SLC4A4: variants seen among roughly 807,000 people sequenced by gnomAD.
SLC4A4 encodes solute carrier family 4 member 4, also known as electrogenic sodium bicarbonate cotransporter 1.
In SLC4A4, 27 loss-of-function variants were observed where a neutral mutation model predicts 111.5. The observed-to-expected ratio is 0.24, with a 90% CI of 0.18 to 0.33. The LOEUF (loss-of-function observed/expected upper bound fraction) is 0.33. Ranked by LOEUF, SLC4A4 falls within the 10% of genes least tolerant of loss-of-function variation. The pLI, the probability that SLC4A4 is intolerant of heterozygous loss-of-function variation, is 1.00. For synonymous variants in SLC4A4, 443 were observed against 463.4 expected (o/e 0.96, Z 0.57); for missense variants, 909 against 1,315.5 (o/e 0.69, Z 4.78).
At chr4:71,541,210 C>T (rs1434591816) in intron 18 of SLC4A4, among the ~76,000 whole-genome samples, 1 of 152,050 alleles carries the variant, frequency 6.6e-6, no homozygotes, top group Non-Finnish European at 1.5e-5. Flanking sequence ...GTTTTTCATT[C>T]TAAGTGAAAC....
chr4:71,312,976 G>A (rs200041859), intron 3 of SLC4A4, among the ~76,000 whole-genome samples: 4,390 of 152,194 alleles, frequency 0.029, 321 homozygotes, highest in Admixed American at 0.16. Context: ...TAGGAAAAGA[G>A]GAAGTCAAAT....
Position 71,339,461 on chromosome 4 carries a change from G to C in SLC4A4, c.345G>C (p.Leu115=). ...AGCTCTTCACGGAACTGGATGAGCTGCTGGCCGTGGATGGGCAGGAGATGG... is the reference window on the plus strand; with the variant it reads ...AGCTCTTCACGGAACTGGATGAGCTCCTGGCCGTGGATGGGCAGGAGATGG... ...PPQLFTELDE[L]LAVDGQEMEW... The change falls in exon 4 of 26, where the codon CTG becomes CTC. Residue 115 remains leucine, a synonymous_variant. Transcript: ENST00000264485. 6.2e-7 allele frequency: 1 copy of C among 1,614,094 alleles called. No individual in the cohort carries two copies. The highest frequency in any genetic ancestry group is 1.1e-5 in the South Asian group (1 of 91,076).
intron 2 of SLC4A4, among the ~76,000 whole-genome samples, chr4:71,156,588 G>GCGCGCACGCACA (rs376043069): frequency 4.3e-5 from 6 of 138,512 alleles, no homozygotes; most frequent in African/African-American, 1.6e-4. Flanking sequence ...GCGCGCGCGC[G>GCGCGCACGCACA]CACACACACA....
At chr4:71,266,669 C>T (rs780150006) in intron 3 of SLC4A4, among the ~76,000 whole-genome samples, 2 of 151,930 alleles carry the variant, frequency 1.3e-5, no homozygotes, top group Non-Finnish European at 2.9e-5. Context: ...CATTGAGATA[C>T]GATCTATTTG....
chr4:71,358,688 GT>G lies in SLC4A4; in HGVS notation c.730+1506del, dbSNP rs1415201767. ...ATTGCTGCTGATGGGAAATATTTTG[GT>G]TTTTATGTCTCCCCTGGCTTTTTTT... On this transcript the variant is annotated intron_variant, in intron 6 of 25. Transcript: ENST00000264485. Among the ~76,000 whole-genome samples, 10 of 152,040 alleles carry G rather than the reference GT, an allele frequency of 6.6e-5. 1 individual carries two copies. Among genetic ancestry groups the G allele is most frequent in the African/African-American group, 2.4e-4 (10 of 41,496 alleles).
intron 3 of SLC4A4, among the ~76,000 whole-genome samples, chr4:71,292,467 T>A (rs1193352793): frequency 1.3e-5 from 2 of 152,168 alleles, no homozygotes; most frequent in Non-Finnish European, 2.9e-5. Flanking sequence ...TTTCTATAGA[T>A]TTTCATATCT....
chr4:71,417,624 T>A (rs1721940352), intron 7 of SLC4A4, among the ~76,000 whole-genome samples: 1 of 152,198 alleles, frequency 6.6e-6, no homozygotes, highest in African/African-American at 2.4e-5. Flanking sequence ...TTGTCTTTAT[T>A]TGGTCTTCTC....
chr4:71,561,732 C>T (rs955489573), intron 23 of SLC4A4, among the ~76,000 whole-genome samples: 3 of 151,442 alleles, frequency 2.0e-5, no homozygotes, highest in African/African-American at 7.3e-5. Flanking sequence ...CGTAATAGTC[C>T]GAAGAACGAT....
intron 17 of SLC4A4, 151 bp from the exon 18 acceptor site, chr4:71,534,076 G>A: frequency 1.4e-6 from 1 of 696,942 alleles, no homozygotes; most frequent in Non-Finnish European, 2.5e-6. Context: ...GAGTTTTGGT[G>A]AATAATCTTC....
At chr4:71,380,963 A>G (rs1156688106) in intron 6 of SLC4A4, among the ~76,000 whole-genome samples, 1 of 152,196 alleles carries the variant, frequency 6.6e-6, no homozygotes, top group African/African-American at 2.4e-5. Context: ...ACAAGTCGGC[A>G]TTCTGAAGTG....
chr4:71,551,073 GGTAA>G (rs1300311816), intron 20 of SLC4A4, among the ~76,000 whole-genome samples: 1 of 151,738 alleles, frequency 6.6e-6, no homozygotes, highest in Non-Finnish European at 1.5e-5. Flanking sequence ...AATACTGCCT[GGTAA>G]GTGAGTATTC....
chr4:71,426,465 G>C (rs1244084036), intron 7 of SLC4A4, among the ~76,000 whole-genome samples: 11 of 152,106 alleles, frequency 7.2e-5, no homozygotes, highest in Non-Finnish European at 2.9e-5. Context: ...TCAAAGGTGT[G>C]GGGAGGGTGG....
intron 6 of SLC4A4, among the ~76,000 whole-genome samples, chr4:71,359,704 C>T (rs1205709608): frequency 1.3e-5 from 2 of 152,110 alleles, no homozygotes; most frequent in Non-Finnish European, 2.9e-5. Flanking sequence ...GTTTAAATTT[C>T]TATATAAAAA....
At chr4:71,230,497 G>T (rs1719345527) in intron 1 of SLC4A4, among the ~76,000 whole-genome samples, 1 of 152,228 alleles carries the variant, frequency 6.6e-6, no homozygotes, top group African/African-American at 2.4e-5. Flanking sequence ...TGAAGTGAGA[G>T]ATTATGGGGT....
At chr4:71,290,757 G>A (rs1724281926) in intron 3 of SLC4A4, among the ~76,000 whole-genome samples, 1 of 152,126 alleles carries the variant, frequency 6.6e-6, no homozygotes, top group Non-Finnish European at 1.5e-5. Context: ...ATATTATGTG[G>A]GAGAGAAACT....
At chr4:71,411,228 A>G (rs756315992) in intron 7 of SLC4A4, among the ~76,000 whole-genome samples, 5 of 152,146 alleles carry the variant, frequency 3.3e-5, no homozygotes, top group Non-Finnish European at 7.3e-5. Context: ...CTAACATGGC[A>G]GTCTCCCTCC....
intron 15 of SLC4A4, among the ~76,000 whole-genome samples, chr4:71,490,460 T>C (rs1729796951): frequency 6.6e-6 from 1 of 151,802 alleles, no homozygotes; most frequent in Non-Finnish European, 1.5e-5. Flanking sequence ...GAAGGTCCCA[T>C]GGAATGCTGT....
intron 7 of SLC4A4, among the ~76,000 whole-genome samples, chr4:71,398,258 C>A (rs1268749822): frequency 1.3e-5 from 2 of 149,220 alleles, no homozygotes; most frequent in Non-Finnish European, 3.0e-5. Context: ...GTGCTCCAAC[C>A]TCAGTGACAG....
intron 2 of SLC4A4, among the ~76,000 whole-genome samples, chr4:71,141,379 A>C (rs892777359): frequency 6.6e-6 from 1 of 152,144 alleles, no homozygotes; most frequent in African/African-American, 2.4e-5. Flanking sequence ...GTGATCTTTT[A>C]AGGCTCATTT....
Sources: gnomAD v4.1 joint callset for allele counts (sites outside exome capture counted in the v4.1 genomes callset) on GRCh38, gnomAD v4.1.1 for gene constraint, MANE v1.5 for transcripts, NCBI Gene and HGNC (gene_info 2026-07-23, HGNC 2026-07-21) for gene names.